HERC2: variants seen among roughly 807,000 people sequenced by gnomAD.
HERC2 encodes HECT and RLD domain containing E3 ubiquitin protein ligase 2.
HERC2 carries 102 observed loss-of-function variants against 537.7 expected under a neutral mutation model. That is an observed-to-expected ratio of 0.19 (90% CI 0.16 to 0.22). HERC2 has a LOEUF of 0.22. Ranked by LOEUF, HERC2 falls within the 10% of genes least tolerant of loss-of-function variation. The pLI is 1.00. For synonymous variants in HERC2, 2,224 were observed against 2,466.2 expected, an observed-to-expected ratio of 0.90 and a Z score of 2.91; for missense variants, 4,236 against 6,198.2, an observed-to-expected ratio of 0.68 and a Z score of 10.63.
chr15:28,132,872 T>G (rs372866109), intron 79 of HERC2, 42 bp from the exon 80 acceptor site: 2 of 1,450,538 alleles, frequency 1.4e-6, no homozygotes, highest in Non-Finnish European at 1.8e-6. Flanking sequence ...ACATTTTTAT[T>G]CTTAAACATT....
chr15:28,150,230 C>T (rs1438460257), intron 70 of HERC2, among the ~76,000 whole-genome samples: 2 of 151,726 alleles, frequency 1.3e-5, no homozygotes, highest in South Asian at 2.1e-4. Context: ...GCCACATGAA[C>T]GTACGTTCTA....
rs1899581713 is a variant in HERC2, at chr15:28,214,057, T to G, written c.6555+19A>C. The stretch of plus-strand genomic sequence containing the variant: ...AGGTTCACCGTTGAACTAAATTAAT[T>G]CTGAGAACACAAACCCACCCCTTCG... On this transcript the variant is annotated intron_variant, in intron 41 of 92. Transcript: ENST00000261609. 5 of 1,613,400 alleles carry G rather than the reference T, an allele frequency of 3.1e-6. No homozygotes were observed. In the Admixed American group the frequency reaches 6.7e-5, roughly 22 times the overall value.
At chr15:28,242,618 G>A (rs1460290462) in intron 23 of HERC2, among the ~76,000 whole-genome samples, 1 of 152,124 alleles carries the variant, frequency 6.6e-6, no homozygotes, top group African/African-American at 2.4e-5. Context: ...CAAGGAAAAT[G>A]AGATGCAAAA....
chr15:28,257,350 G>C (rs2075293697), intron 16 of HERC2, 89 bp from the exon 17 acceptor site: 2 of 1,052,400 alleles, frequency 1.9e-6, no homozygotes, highest in East Asian at 2.6e-5. Flanking sequence ...TGATGGAGCT[G>C]CCTTATACTA....
At position 28,132,248 on chromosome 15, in the gene HERC2, T is replaced by G; in HGVS notation, c.12422A>C (p.Gln4141Pro). 6.2e-7 allele frequency: 1 copy of G among 1,610,534 alleles called. No homozygotes were observed. Among genetic ancestry groups the G allele is most frequent in the Non-Finnish European group, 8.5e-7 (1 of 1,177,698 alleles). ...GGCGATGTCAACCACACGGTGGCCCTGCAGCGCCTCCACCTTCAGAGAAAA... is the reference window on the plus strand; with the variant it reads ...GGCGATGTCAACCACACGGTGGCCCGGCAGCGCCTCCACCTTCAGAGAAAA... ...QLKPKLVEAL[Q>P]GHRVVDIACG... The change falls in exon 81 of 93, where the codon CAG becomes CCG. Residue 4141 changes from glutamine (Q) to proline (P), a missense_variant. Physicochemically the swap from Gln to Pro is moderately conservative, Grantham distance 76. Around this residue, in one of 27 missense-constraint regions of HERC2, gnomAD observed 94 missense variants for 137.4 expected, o/e 0.68. Transcript: ENST00000261609.
At chr15:28,164,458 T>G (rs993007546) in intron 68 of HERC2, among the ~76,000 whole-genome samples, 2 of 152,136 alleles carry the variant, frequency 1.3e-5, no homozygotes, top group African/African-American at 4.8e-5. Context: ...AGAACATAAC[T>G]CACTGAAGGA....
At chr15:28,168,175 T>C (rs1894336559) in intron 67 of HERC2, among the ~76,000 whole-genome samples, 1 of 152,236 alleles carries the variant, frequency 6.6e-6, no homozygotes, top group African/African-American at 2.4e-5. Context: ...GGTTTCAGAA[T>C]TGCAGATAAA....
At chr15:28,308,592 T>C (rs967203475) in intron 2 of HERC2, among the ~76,000 whole-genome samples, 1 of 152,246 alleles carries the variant, frequency 6.6e-6, no homozygotes, top group African/African-American at 2.4e-5. Context: ...CTATGTTGAA[T>C]AACAGTGGCC....
At position 28,272,306 on chromosome 15, in the gene HERC2, T is replaced by G; in HGVS notation, c.992A>C (p.Gln331Pro). 1 of 1,612,238 alleles carries G rather than the reference T, an allele frequency of 6.2e-7. No homozygotes were observed. Among genetic ancestry groups the G allele is most frequent in the Non-Finnish European group, 8.5e-7 (1 of 1,179,202 alleles). Residue 331 changes from glutamine to proline, a missense_variant, in exon 9 of 93, where the codon CAG (glutamine) becomes CCG (proline). Physicochemically the swap from Gln to Pro is moderately conservative, Grantham distance 76 (BLOSUM62 -1). Transcript: ENST00000261609. ...AQETDNERSA[Q>P]GTSAPLLPLL... ...GGGCAAAAGTGGGGCGCTGGTGCCC[T>G]GGGCGGAACGCTCATTGTCAGTCTC...
In HERC2 at chr15:28,233,577, T is replaced by G. The variant is rs1314102731; in HGVS notation, c.4352-16A>C. ...GCCACATGACCTGTAAAAAGACATT[T>G]AAAAGAAGGGCAGGGATGAATATGT... is the stretch of plus-strand genomic sequence containing the variant. On this transcript the variant is annotated splice_polypyrimidine_tract_variant and intron_variant, in intron 28 of 92. Coordinates refer to ENST00000261609, the MANE Select transcript of HERC2 (RefSeq NM_004667.6). 2.5e-6 allele frequency: 4 copies of G among 1,613,688 alleles called. No homozygotes were observed. Among genetic ancestry groups the G allele is most frequent in the Non-Finnish European group, 3.4e-6 (4 of 1,179,686 alleles).
At chr15:28,291,032 A>C (rs1272696015) in intron 4 of HERC2, among the ~76,000 whole-genome samples, 1 of 152,320 alleles carries the variant, frequency 6.6e-6, no homozygotes, top group East Asian at 1.9e-4. Context: ...CTTTGAAAAA[A>C]CTCAAATTGA....
chr15:28,252,520 T>G (rs1191847388), intron 20 of HERC2, among the ~76,000 whole-genome samples: 1 of 152,224 alleles, frequency 6.6e-6, no homozygotes, highest in Non-Finnish European at 1.5e-5. Flanking sequence ...AGGTTTTAAC[T>G]TCCATGTTCT....
At chr15:28,131,150 A>G (rs939653839) in intron 81 of HERC2, among the ~76,000 whole-genome samples, 2 of 152,104 alleles carry the variant, frequency 1.3e-5, no homozygotes, top group African/African-American at 4.8e-5. Flanking sequence ...AACTCAAATT[A>G]ATTAAAACTG....
intron 37 of HERC2, among the ~76,000 whole-genome samples, chr15:28,218,898 T>C (rs1214699774): frequency 3.3e-5 from 5 of 152,074 alleles, no homozygotes; most frequent in African/African-American, 1.2e-4. Flanking sequence ...GGCATGATCA[T>C]AGCTCACTGC....
chr15:28,228,172 A>G, intron 35 of HERC2, 46 bp downstream of exon 35: 1 of 1,548,288 alleles, frequency 6.5e-7, no homozygotes, highest in Non-Finnish European at 8.8e-7. Flanking sequence ...AATCAAAGCA[A>G]AATCTTGACA....
At chr15:28,172,812 A>T (rs144739988) in intron 65 of HERC2, among the ~76,000 whole-genome samples, 5,639 of 152,294 alleles carry the variant, frequency 0.037, 337 homozygotes, top group African/African-American at 0.13. Flanking sequence ...ACCTGTGAAG[A>T]GAATAAAATG....
intron 20 of HERC2, among the ~76,000 whole-genome samples, chr15:28,250,861 C>G (rs1596323592): frequency 1.3e-5 from 2 of 152,190 alleles, no homozygotes; most frequent in South Asian, 4.1e-4. Context: ...ATATCGGCTA[C>G]TGGAAAGCTG....
At chr15:28,319,998 T>C (rs1331257037) in intron 2 of HERC2, 1 of 152,116 alleles carries the variant, frequency 6.6e-6, no homozygotes, top group Non-Finnish European at 1.5e-5. Context: ...TATAGCTAAA[T>C]CAAAGGAAAT....
At chr15:28,195,516 G>A (rs1897273848) in intron 52 of HERC2, among the ~76,000 whole-genome samples, 1 of 152,168 alleles carries the variant, frequency 6.6e-6, no homozygotes, top group Admixed American at 6.5e-5. Context: ...CCATTAAAAA[G>A]GATGACGTTC....
Sources: allele counts gnomAD v4.1 joint callset (sites outside exome capture counted in the v4.1 genomes callset), GRCh38; gene constraint gnomAD v4.1.1; regional missense constraint gnomAD v4.1.1; transcripts MANE v1.5; gene names NCBI Gene and HGNC (gene_info 2026-07-23, HGNC 2026-07-21).